Variants in IGF2BP3 observed in about 807,000 individuals in gnomAD.
IGF2BP3 encodes insulin-like growth factor 2 mRNA-binding protein 3.
A neutral mutation model predicts 73.8 loss-of-function variants in IGF2BP3; 9 were observed. That is an observed-to-expected ratio of 0.12 (90% confidence interval 0.07 to 0.21). The LOEUF (loss-of-function observed/expected upper bound fraction) is 0.21, where lower values mean the gene tolerates loss of function less well. Among genes scored for constraint, IGF2BP3 ranks in the 10% least tolerant of loss-of-function variants. IGF2BP3 has a pLI of 1.00. For missense variants in IGF2BP3, 542 were observed against 714.0 expected (o/e 0.76, Z 2.75); for synonymous variants, 258 against 256.7 (o/e 1.01, Z -0.05).
intron 3 of IGF2BP3, among the ~76,000 whole-genome samples, chr7:23,377,529 G>T (rs1340052876): frequency 6.6e-6 from 1 of 152,166 alleles, no homozygotes; most frequent in Non-Finnish European, 1.5e-5. Context: ...ATCGTTGGTG[G>T]GAATGTAAAA....
At chr7:23,327,350 G>A (rs1168735635) in intron 10 of IGF2BP3, among the ~76,000 whole-genome samples, 3 of 149,090 alleles carry the variant, frequency 2.0e-5, no homozygotes, top group Non-Finnish European at 3.0e-5. Flanking sequence ...GCGCAATCTC[G>A]GCTCACTGCA....
chr7:23,357,269 T>C (rs866371464), intron 5 of IGF2BP3, among the ~76,000 whole-genome samples: 4 of 151,062 alleles, frequency 2.6e-5, no homozygotes, highest in Middle Eastern at 6.8e-3. Flanking sequence ...GCAATGATAG[T>C]TTCTTTCTTT....
intron 2 of IGF2BP3, among the ~76,000 whole-genome samples, chr7:23,454,266 T>A (rs1156860523): frequency 6.6e-6 from 1 of 152,182 alleles, no homozygotes; most frequent in Non-Finnish European, 1.5e-5. Flanking sequence ...GTATGATCTC[T>A]CCTAAGATAA....
chr7:23,370,308 T>A (rs1785506086), intron 3 of IGF2BP3, among the ~76,000 whole-genome samples: 1 of 152,220 alleles, frequency 6.6e-6, no homozygotes, highest in South Asian at 2.1e-4. Context: ...GTAATCTAGT[T>A]TTCAGAGTCA....
chr7:23,319,305 C>G (rs956000381), intron 10 of IGF2BP3, 51 bp from the exon 11 acceptor site: 1 of 1,217,558 alleles, frequency 8.2e-7, no homozygotes, highest in Non-Finnish European at 1.2e-6. Context: ...ACAAATCAGG[C>G]TTTTGTTAAC....
intron 3 of IGF2BP3, among the ~76,000 whole-genome samples, chr7:23,405,583 G>A (rs973160551): frequency 1.3e-5 from 2 of 152,206 alleles, no homozygotes; most frequent in African/African-American, 4.8e-5. Flanking sequence ...AGGCTTAAAT[G>A]CCTGAGCCCC....
intron 10 of IGF2BP3, among the ~76,000 whole-genome samples, chr7:23,337,144 A>C (rs969467866): frequency 2.6e-5 from 4 of 152,192 alleles, no homozygotes; most frequent in South Asian, 2.1e-4. Flanking sequence ...AGCTATTCCA[A>C]CTGAGTACTT....
intron 10 of IGF2BP3, among the ~76,000 whole-genome samples, chr7:23,323,957 A>G (rs1336122355): frequency 6.6e-6 from 1 of 152,122 alleles, no homozygotes; most frequent in East Asian, 1.9e-4. Context: ...AAATGCCCAC[A>G]AGAGAAAGCA....
intron 5 of IGF2BP3, among the ~76,000 whole-genome samples, chr7:23,351,958 T>C (rs1159094715): frequency 6.6e-6 from 1 of 152,234 alleles, no homozygotes; most frequent in Non-Finnish European, 1.5e-5. Flanking sequence ...GAGAAGCAAG[T>C]GGGCTTCTTG....
chr7:23,404,084 G>A (rs1162634440), intron 3 of IGF2BP3, among the ~76,000 whole-genome samples: 2 of 151,760 alleles, frequency 1.3e-5, no homozygotes, highest in Non-Finnish European at 2.9e-5. Flanking sequence ...TAAGGCTGCA[G>A]TGAGTCGTGA....
intron 2 of IGF2BP3, among the ~76,000 whole-genome samples, chr7:23,457,397 G>A (rs146752866): frequency 2.1e-3 from 315 of 152,158 alleles, no homozygotes; most frequent in African/African-American, 7.4e-3. Context: ...CCCGGCAGGT[G>A]GAGGTTTCAG....
At chr7:23,377,122 T>C (rs1271450020) in intron 3 of IGF2BP3, among the ~76,000 whole-genome samples, 1 of 150,380 alleles carries the variant, frequency 6.6e-6, no homozygotes, top group African/African-American at 2.4e-5. Context: ...AAAAAAACTG[T>C]GCTAAAAAGA....
At chr7:23,457,914 T>C (rs1788359151) in intron 2 of IGF2BP3, among the ~76,000 whole-genome samples, 1 of 152,212 alleles carries the variant, frequency 6.6e-6, no homozygotes, top group African/African-American at 2.4e-5. Flanking sequence ...ACAAAAAAGG[T>C]AATACATGCT....
At chr7:23,410,194 C>T (rs1254003625) in intron 3 of IGF2BP3, among the ~76,000 whole-genome samples, 1 of 150,572 alleles carries the variant, frequency 6.6e-6, no homozygotes, top group African/African-American at 2.4e-5. Context: ...AATAAAGATA[C>T]AAAAGAAAAA....
intron 3 of IGF2BP3, among the ~76,000 whole-genome samples, chr7:23,401,311 A>G (rs981957123): frequency 6.6e-6 from 1 of 152,152 alleles, no homozygotes; most frequent in Non-Finnish European, 1.5e-5. Context: ...GGGGTTCACC[A>G]TCAACATCAT....
intron 3 of IGF2BP3, among the ~76,000 whole-genome samples, chr7:23,372,143 G>C (rs1419578199): frequency 1.3e-5 from 2 of 151,176 alleles, no homozygotes; most frequent in Non-Finnish European, 2.9e-5. Context: ...GCACGATCTT[G>C]GCTCACCGCA....
At chr7:23,316,162 CAT>C (rs1783982211) in intron 12 of IGF2BP3, among the ~76,000 whole-genome samples, 1 of 152,198 alleles carries the variant, frequency 6.6e-6, no homozygotes, top group African/African-American at 2.4e-5. Flanking sequence ...AATTTCTTCA[CAT>C]GATTTTCTTT....
chr7:23,360,220 A>G (rs1785191275), intron 5 of IGF2BP3, among the ~76,000 whole-genome samples: 1 of 152,188 alleles, frequency 6.6e-6, no homozygotes, highest in Admixed American at 6.5e-5. Context: ...ATGTGGATAC[A>G]TGCTTACATA....
chr7:23,431,081 A>C lies in IGF2BP3; in HGVS notation c.237-12257T>G, dbSNP rs572227930. Reference sequence around the variant, plus strand: ...GTTTTATCACAAAAAGAACATTCCAACCAGGAACAAAATGTACATATCTGT... The same window carrying C: ...GTTTTATCACAAAAAGAACATTCCACCCAGGAACAAAATGTACATATCTGT... On this transcript the variant is annotated intron_variant, in intron 2 of 14. Transcript: ENST00000258729. 2.0e-4 allele frequency: 30 copies of C among 152,340 alleles called. 1 individual carries two copies. The South Asian group carries it at 6.2e-3, about 32-fold the overall frequency. The allele number at this position is 152,340 out of a possible 1,614,324, so 9.4% of individuals were successfully genotyped here.
Sources: gnomAD v4.1 joint callset for allele counts (sites outside exome capture counted in the v4.1 genomes callset) on GRCh38, gnomAD v4.1.1 for gene constraint, MANE v1.5 for transcripts, NCBI Gene and HGNC (gene_info 2026-07-23, HGNC 2026-07-21) for gene names.